The following IL1RAPL2 variants were observed in gnomAD, a reference collection of about 807,000 sequenced individuals.
The protein encoded by IL1RAPL2 is interleukin 1 receptor accessory protein like 2.
A neutral mutation model predicts 44.1 loss-of-function variants in IL1RAPL2; 3 were observed. That is an observed-to-expected ratio of 0.07 (90% CI 0.03 to 0.18). The LOEUF is 0.18. IL1RAPL2 is among the 10% of genes least tolerant of loss of function. The pLI is 1.00. For synonymous variants in IL1RAPL2, 181 were observed against 178.8 expected (o/e 1.01, Z -0.10); for missense variants, 391 against 496.4 (o/e 0.79, Z 2.02).
chrX:105,020,585 A>G (rs2031267928), intron 2 of IL1RAPL2, among the ~76,000 whole-genome samples: 2 of 111,944 alleles, frequency 1.8e-5, no homozygotes, highest in East Asian at 5.7e-4. Flanking sequence ...AATTGATTAT[A>G]TATGTAAAAC....
intron 2 of IL1RAPL2, among the ~76,000 whole-genome samples, chrX:104,699,551 C>G (rs1348128265): frequency 9.0e-6 from 1 of 111,627 alleles, no homozygotes; most frequent in Non-Finnish European, 1.9e-5. Flanking sequence ...CTCGCTTGCC[C>G]GCCACTCACC....
chrX:104,783,800 C>T (rs983908928), intron 2 of IL1RAPL2, among the ~76,000 whole-genome samples: 2 of 107,994 alleles, frequency 1.9e-5, no homozygotes, highest in African/African-American at 3.4e-5. Context: ...TATTGAACAG[C>T]TCTTAATCTG....
At chrX:105,115,145 G>A (rs1229547061) in intron 2 of IL1RAPL2, among the ~76,000 whole-genome samples, 1 of 111,002 alleles carries the variant, frequency 9.0e-6, no homozygotes, top group African/African-American at 3.3e-5. Context: ...TCTGGTGTTC[G>A]GATGTGTTTG....
intron 4 of IL1RAPL2, among the ~76,000 whole-genome samples, chrX:105,243,602 TA>T (rs1453595245): frequency 0.058 from 5,504 of 94,717 alleles, 250 homozygotes; most frequent in African/African-American, 0.19. Flanking sequence ...TATATATATA[TA>T]TATTTTTTTT....
chrX:105,705,628 A>G (rs1393518445), intron 6 of IL1RAPL2, among the ~76,000 whole-genome samples: 1 of 111,799 alleles, frequency 8.9e-6, no homozygotes, highest in Non-Finnish European at 1.9e-5. Context: ...GGAACAGTAT[A>G]AGGCACAGTC....
intron 2 of IL1RAPL2, among the ~76,000 whole-genome samples, chrX:104,672,535 T>G (rs2147532113): frequency 9.6e-6 from 1 of 103,694 alleles, no homozygotes; most frequent in Non-Finnish European, 2.0e-5. Flanking sequence ...TTTGCTATTG[T>G]GAATAATGCC....
chrX:104,834,704 C>T (rs185335293), intron 2 of IL1RAPL2, among the ~76,000 whole-genome samples: 34 of 111,729 alleles, frequency 3.0e-4, no homozygotes, highest in South Asian at 3.0e-3. Context: ...CCATTTTGCT[C>T]TTGGATCTAC....
chrX:104,707,263 C>G (rs929593757), intron 2 of IL1RAPL2, among the ~76,000 whole-genome samples: 25 of 111,375 alleles, frequency 2.2e-4, no homozygotes, highest in African/African-American at 7.5e-4. Context: ...AGGTTTTTAG[C>G]CTACTCTTTT....
chrX:105,055,885 A>G (rs937039554), intron 2 of IL1RAPL2, among the ~76,000 whole-genome samples: 2 of 111,647 alleles, frequency 1.8e-5, no homozygotes, highest in African/African-American at 6.5e-5. Flanking sequence ...GGAAAAGAGC[A>G]ACCAAAATGA....
At chrX:105,258,517 A>C (rs2034332693) in intron 4 of IL1RAPL2, among the ~76,000 whole-genome samples, 1 of 112,091 alleles carries the variant, frequency 8.9e-6, no homozygotes, top group African/African-American at 3.2e-5. Flanking sequence ...CGATATCCTG[A>C]AATACGTTTT....
chrX:105,116,146 A>C (rs2032859018), intron 2 of IL1RAPL2, among the ~76,000 whole-genome samples: 1 of 112,305 alleles, frequency 8.9e-6, no homozygotes, highest in African/African-American at 3.2e-5. Flanking sequence ...CATCCCAGGA[A>C]GGGGCTCCCA....
intron 6 of IL1RAPL2, among the ~76,000 whole-genome samples, chrX:105,493,551 G>A (rs2036335856): frequency 9.0e-6 from 1 of 111,087 alleles, no homozygotes; most frequent in Non-Finnish European, 1.9e-5. Context: ...TGTGCTTGTT[G>A]GCCATTTGTA....
At chrX:105,267,251 A>T in intron 4 of IL1RAPL2, 137 bp from the exon 5 acceptor site, 1 of 524,417 alleles carries the variant, frequency 1.9e-6, no homozygotes. Flanking sequence ...TTTCTTGGTC[A>T]TTGACTTAAC....
At chrX:105,734,300 G>T (rs927417715) in intron 7 of IL1RAPL2, among the ~76,000 whole-genome samples, 1 of 111,004 alleles carries the variant, frequency 9.0e-6, no homozygotes, top group Non-Finnish European at 1.9e-5. Flanking sequence ...TGAGAGGAAA[G>T]CTAGAGTAGT....
At chrX:104,797,241 G>A (rs1932856557) in intron 2 of IL1RAPL2, among the ~76,000 whole-genome samples, 1 of 85,713 alleles carries the variant, frequency 1.2e-5, no homozygotes, top group Non-Finnish European at 2.1e-5. Context: ...CAGTATGTCT[G>A]GAAGAGTTTG....
chrX:105,072,920 CTTG>C (rs2032228183), intron 2 of IL1RAPL2, among the ~76,000 whole-genome samples: 1 of 110,529 alleles, frequency 9.0e-6, no homozygotes, highest in Non-Finnish European at 1.9e-5. Context: ...GTTTTCTGTT[CTTG>C]TTGTTTGCTG....
chrX:105,690,780 T>A (rs191582705), intron 6 of IL1RAPL2, among the ~76,000 whole-genome samples: 1 of 112,050 alleles, frequency 8.9e-6, no homozygotes, highest in Admixed American at 9.5e-5. Context: ...ATATTCTAAT[T>A]TATTAATATC....
intron 2 of IL1RAPL2, among the ~76,000 whole-genome samples, chrX:105,088,499 A>G (rs1411140201): frequency 3.6e-5 from 4 of 111,854 alleles, no homozygotes; most frequent in Non-Finnish European, 5.7e-5. Context: ...AATGATCACA[A>G]AACTTGAGTT....
chrX:104,960,713 C>T (rs2029988928), intron 2 of IL1RAPL2, among the ~76,000 whole-genome samples: 1 of 110,616 alleles, frequency 9.0e-6, no homozygotes, highest in Non-Finnish European at 1.9e-5. Flanking sequence ...TCCACCTTCC[C>T]CCTCCTCCCT....
Sources: gnomAD v4.1 joint callset for allele counts (sites outside exome capture counted in the v4.1 genomes callset) on GRCh38, gnomAD v4.1.1 for gene constraint, MANE v1.5 for transcripts, NCBI Gene and HGNC (gene_info 2026-07-23, HGNC 2026-07-21) for gene names.